Variants in CPQ observed in about 807,000 individuals in gnomAD.
CPQ encodes the protein carboxypeptidase Q.
CPQ carries 37 observed loss-of-function variants against 45.7 expected under a neutral mutation model. The observed-to-expected ratio is 0.81, with a 90% CI of 0.62 to 1.07. The LOEUF is 1.07. Ranked by LOEUF, CPQ falls within the 50% of genes least tolerant of loss-of-function variation. The pLI is 0.00. For missense variants in CPQ, 537 were observed against 572.9 expected, an observed-to-expected ratio of 0.94 and a Z score of 0.64; for synonymous variants, 186 against 205.8, an observed-to-expected ratio of 0.90 and a Z score of 0.82.
chr8:96,886,976 T>G (rs190934676), intron 4 of CPQ, among the ~76,000 whole-genome samples: 167 of 152,292 alleles, frequency 1.1e-3, no homozygotes, highest in Middle Eastern at 6.8e-3. Flanking sequence ...CTTGATCCAT[T>G]GATTTTATGT....
At chr8:97,128,035 C>T (rs72664583) in intron 7 of CPQ, among the ~76,000 whole-genome samples, 2,129 of 152,298 alleles carry the variant, frequency 0.014, 57 homozygotes, top group African/African-American at 0.047. Context: ...TGTGTTCATT[C>T]GCCAAAACTT....
At chr8:96,864,255 A>T (rs112170815) in intron 3 of CPQ, among the ~76,000 whole-genome samples, 5,996 of 152,110 alleles carry the variant, frequency 0.039, 194 homozygotes, top group African/African-American at 0.081. Context: ...TAGTATGTTT[A>T]GCTGTTCCAG....
intron 4 of CPQ, among the ~76,000 whole-genome samples, chr8:96,895,666 CT>C (rs943668508): frequency 3.3e-5 from 5 of 152,128 alleles, no homozygotes; most frequent in Non-Finnish European, 7.4e-5. Flanking sequence ...GTTTCTCTCC[CT>C]TCCAAGAGAA....
chr8:96,656,158 C>G (rs1815635198), intron 1 of CPQ, among the ~76,000 whole-genome samples: 1 of 152,234 alleles, frequency 6.6e-6, no homozygotes, highest in Non-Finnish European at 1.5e-5. Context: ...CCAGCCCCAA[C>G]AGCTTGCTCT....
chr8:96,802,645 T>A (rs1025048288), intron 2 of CPQ, among the ~76,000 whole-genome samples: 4 of 152,162 alleles, frequency 2.6e-5, no homozygotes, highest in Non-Finnish European at 5.9e-5. Flanking sequence ...ACATTAAGAT[T>A]TTTCTTCTTT....
intron 3 of CPQ, among the ~76,000 whole-genome samples, chr8:96,864,525 G>T (rs1272067410): frequency 1.3e-5 from 2 of 151,940 alleles, no homozygotes; most frequent in East Asian, 3.9e-4. Flanking sequence ...GAGCCAATTG[G>T]CCCAAGAAGC....
At chr8:96,745,136 C>T (rs575601049) in intron 1 of CPQ, among the ~76,000 whole-genome samples, 6 of 152,002 alleles carry the variant, frequency 3.9e-5, no homozygotes, top group African/African-American at 9.7e-5. Context: ...GGTGAAATCC[C>T]GTCTCTACTA....
intron 2 of CPQ, among the ~76,000 whole-genome samples, chr8:96,828,388 T>C (rs1301261689): frequency 6.6e-6 from 1 of 151,984 alleles, no homozygotes; most frequent in Non-Finnish European, 1.5e-5. Flanking sequence ...TCTCCCTCAA[T>C]TTCTGCTTAC....
chr8:96,700,267 A>T (rs2130744915), intron 1 of CPQ, among the ~76,000 whole-genome samples: 1 of 152,258 alleles, frequency 6.6e-6, no homozygotes, highest in East Asian at 1.9e-4. Flanking sequence ...ACCGCAGGTA[A>T]GATGTCTAAG....
At chr8:96,683,403 A>G (rs564681317) in intron 1 of CPQ, among the ~76,000 whole-genome samples, 8 of 152,238 alleles carry the variant, frequency 5.3e-5, no homozygotes, top group African/African-American at 1.9e-4. Flanking sequence ...AGACTTGTAT[A>G]TGATAATCCC....
chr8:96,795,233 A>T (rs955145865), intron 2 of CPQ, among the ~76,000 whole-genome samples: 5 of 152,192 alleles, frequency 3.3e-5, no homozygotes, highest in Admixed American at 1.3e-4. Flanking sequence ...TCTCACAATC[A>T]TGGTGGAAGG....
At chr8:96,739,192 T>G (rs1253738241) in intron 1 of CPQ, among the ~76,000 whole-genome samples, 3 of 148,010 alleles carry the variant, frequency 2.0e-5, no homozygotes, top group African/African-American at 2.5e-5. Flanking sequence ...GGTTTTGATT[T>G]GCATTTCTCT....
intron 1 of CPQ, among the ~76,000 whole-genome samples, chr8:96,693,047 C>T (rs1436309842): frequency 6.6e-6 from 1 of 151,972 alleles, no homozygotes; most frequent in Non-Finnish European, 1.5e-5. Flanking sequence ...AATTGACACT[C>T]TGAAGAATGC....
At chr8:96,812,631 A>C (rs1811172500) in intron 2 of CPQ, among the ~76,000 whole-genome samples, 2 of 152,074 alleles carry the variant, frequency 1.3e-5, no homozygotes, top group African/African-American at 4.8e-5. Context: ...GGAATGATAG[A>C]GTGGTTAGAA....
At position 96,716,525 on chromosome 8, in the gene CPQ, T is replaced by C. The variant is rs562117494; in HGVS notation, c.-34-68339T>C. ...TTCCCAAAGTCCACTATATCACTCT[T>C]AGGCCTTTGCATCCTCATAGCTTTG... On this transcript the variant is annotated intron_variant, in intron 1 of 7. Transcript: ENST00000220763. Among the ~76,000 whole-genome samples, 69 of 152,280 alleles carry C rather than the reference T, an allele frequency of 4.5e-4. 1 individual carries two copies. Among genetic ancestry groups the C allele is most frequent in the African/African-American group, 1.6e-3 (67 of 41,560 alleles).
chr8:96,998,497 TA>T (rs1476967816), intron 5 of CPQ, among the ~76,000 whole-genome samples: 3 of 151,916 alleles, frequency 2.0e-5, no homozygotes, highest in Non-Finnish European at 4.4e-5. Flanking sequence ...TATATATAAG[TA>T]AATAGTTCCA....
At chr8:97,001,147 A>G (rs942420734) in intron 5 of CPQ, among the ~76,000 whole-genome samples, 19 of 152,074 alleles carry the variant, frequency 1.2e-4, no homozygotes, top group Non-Finnish European at 2.9e-5. Flanking sequence ...GGGCTGAGAC[A>G]ATGGAGTTTT....
At chr8:96,784,534 A>G (rs1325320836) in intron 1 of CPQ, among the ~76,000 whole-genome samples, 2 of 152,170 alleles carry the variant, frequency 1.3e-5, no homozygotes, top group African/African-American at 2.4e-5. Flanking sequence ...TACTCTATTT[A>G]GGAGACTATA....
intron 4 of CPQ, among the ~76,000 whole-genome samples, chr8:96,892,693 T>C (rs546567532): frequency 1.3e-5 from 2 of 152,350 alleles, no homozygotes; most frequent in African/African-American, 2.4e-5. Context: ...AATGTGCTCA[T>C]AGCTGTGCAT....
Sources: allele counts gnomAD v4.1 joint callset (sites outside exome capture counted in the v4.1 genomes callset), GRCh38; gene constraint gnomAD v4.1.1; transcripts MANE v1.5; gene names NCBI Gene and HGNC (gene_info 2026-07-23, HGNC 2026-07-21).